ROBO2: variants seen among roughly 807,000 people sequenced by gnomAD.
ROBO2 encodes roundabout guidance receptor 2, also known as roundabout homolog 2.
A neutral mutation model predicts 160.8 loss-of-function variants in ROBO2; 53 were observed. The ratio of observed to expected loss-of-function variants is 0.33; its 90% CI spans 0.26 to 0.41. ROBO2 has a LOEUF of 0.41. ROBO2 is among the 10% of genes least tolerant of loss of function. The pLI, the probability that ROBO2 is intolerant of heterozygous loss-of-function variation, is 1.00. For missense variants in ROBO2, 1,577 were observed against 1,722.4 expected, an observed-to-expected ratio of 0.92 and a Z score of 1.49; for synonymous variants, 664 against 611.7, an observed-to-expected ratio of 1.09 and a Z score of -1.26.
At chr3:76,560,329 C>A (rs1331143176) in intron 2 of ROBO2, among the ~76,000 whole-genome samples, 1 of 151,974 alleles carries the variant, frequency 6.6e-6, no homozygotes. Context: ...TGCATGAGAC[C>A]AAGTTTTAAA....
At chr3:77,581,581 T>C (rs2093920322) in intron 16 of ROBO2, among the ~76,000 whole-genome samples, 1 of 152,136 alleles carries the variant, frequency 6.6e-6, no homozygotes. Context: ...TCCAGATATC[T>C]TTTTGTTTCT....
chr3:76,495,876 A>G (rs745847878), intron 2 of ROBO2, among the ~76,000 whole-genome samples: 1 of 152,208 alleles, frequency 6.6e-6, no homozygotes, highest in Admixed American at 6.5e-5. Context: ...ACAATGATGC[A>G]TGGTTTTATG....
chr3:77,329,407 A>C (rs118105072), intron 2 of ROBO2, among the ~76,000 whole-genome samples: 1 of 152,238 alleles, frequency 6.6e-6, no homozygotes, highest in East Asian at 1.9e-4. Context: ...AAACATAACA[A>C]ATGCTGTTTG....
intron 2 of ROBO2, among the ~76,000 whole-genome samples, chr3:76,602,235 C>A (rs1205451894): frequency 2.0e-5 from 3 of 152,144 alleles, no homozygotes; most frequent in African/African-American, 7.2e-5. Context: ...CTCCAAGTAT[C>A]TAGGAAGTTT....
At chr3:76,062,759 T>G (rs1317685987) in intron 2 of ROBO2, among the ~76,000 whole-genome samples, 1 of 152,170 alleles carries the variant, frequency 6.6e-6, no homozygotes, top group Non-Finnish European at 1.5e-5. Context: ...ACATAATCGT[T>G]GCTTGACCCT....
chr3:77,290,204 T>C (rs1384639828), intron 2 of ROBO2, among the ~76,000 whole-genome samples: 2 of 148,146 alleles, frequency 1.4e-5, no homozygotes, highest in Non-Finnish European at 3.0e-5. Context: ...GTTAAACGGG[T>C]AATCTGAGGC....
intron 2 of ROBO2, among the ~76,000 whole-genome samples, chr3:76,167,494 A>G (rs1020282913): frequency 2.6e-5 from 4 of 152,048 alleles, no homozygotes; most frequent in Non-Finnish European, 5.9e-5. Flanking sequence ...TATCTTGTGC[A>G]TCCTTCTATT....
intron 2 of ROBO2, among the ~76,000 whole-genome samples, chr3:77,253,480 T>G (rs1377783462): frequency 1.3e-5 from 2 of 152,182 alleles, no homozygotes; most frequent in Non-Finnish European, 2.9e-5. Context: ...ATATTAAATT[T>G]TATCATCTTT....
At chr3:77,196,262 A>G (rs1372422) in intron 2 of ROBO2, among the ~76,000 whole-genome samples, 29,765 of 151,684 alleles carry the variant, frequency 0.2, 3,364 homozygotes, top group Middle Eastern at 0.31. Context: ...GAATGTCTGT[A>G]GGATTAGTCC....
chr3:76,295,132 A>G (rs912072746), intron 2 of ROBO2, among the ~76,000 whole-genome samples: 39 of 152,210 alleles, frequency 2.6e-4, no homozygotes, highest in African/African-American at 8.0e-4. Flanking sequence ...AATCAAAACA[A>G]GAATTCATTG....
At chr3:76,330,017 T>A (rs1020229798) in intron 2 of ROBO2, among the ~76,000 whole-genome samples, 1 of 152,030 alleles carries the variant, frequency 6.6e-6, no homozygotes, top group Non-Finnish European at 1.5e-5. Flanking sequence ...AACATAGTAC[T>A]TAAATATTTG....
At chr3:77,482,016 T>C (rs1234252458) in intron 4 of ROBO2, among the ~76,000 whole-genome samples, 2 of 152,184 alleles carry the variant, frequency 1.3e-5, no homozygotes, top group East Asian at 3.9e-4. Flanking sequence ...TCTTTTAGAA[T>C]ACATTCTATT....
At chr3:77,112,594 A>G (rs1217803596) in intron 2 of ROBO2, among the ~76,000 whole-genome samples, 1 of 152,102 alleles carries the variant, frequency 6.6e-6, no homozygotes, top group East Asian at 1.9e-4. Context: ...AAGCTAAAGG[A>G]ATAGGAATTA....
chr3:77,455,109 C>T (rs182940403), intron 2 of ROBO2, among the ~76,000 whole-genome samples: 1 of 152,242 alleles, frequency 6.6e-6, no homozygotes, highest in Non-Finnish European at 1.5e-5. Context: ...AACAATGAAA[C>T]TCTAATGCTG....
At chr3:76,541,091 A>G (rs1445249723) in intron 2 of ROBO2, among the ~76,000 whole-genome samples, 1 of 152,190 alleles carries the variant, frequency 6.6e-6, no homozygotes. Context: ...TGAGCCATCA[A>G]ATGAAGCCAA....
chr3:77,319,952 T>C (rs1043542147), intron 2 of ROBO2, among the ~76,000 whole-genome samples: 3 of 152,202 alleles, frequency 2.0e-5, no homozygotes, highest in African/African-American at 7.2e-5. Flanking sequence ...CCATGACTTA[T>C]CAGCTGCAAT....
intron 2 of ROBO2, among the ~76,000 whole-genome samples, chr3:77,272,959 T>C (rs2059595553): frequency 6.6e-6 from 1 of 152,188 alleles, no homozygotes; most frequent in Non-Finnish European, 1.5e-5. Context: ...ACTTTTTAGA[T>C]AATCTCAGTT....
intron 2 of ROBO2, among the ~76,000 whole-genome samples, chr3:76,206,028 G>A (rs1052987400): frequency 6.6e-6 from 1 of 152,116 alleles, no homozygotes; most frequent in African/African-American, 2.4e-5. Context: ...AAGAGAGAGA[G>A]GTGGCTGTCC....
intron 2 of ROBO2, chr3:76,434,787 CAG>C (rs972033374): frequency 2.6e-5 from 34 of 1,316,960 alleles, no homozygotes; most frequent in Admixed American, 6.7e-5. Context: ...GCAGATTAAT[CAG>C]GGGGAGAGCA....
Sources: allele counts gnomAD v4.1 joint callset (sites outside exome capture counted in the v4.1 genomes callset), GRCh38; gene constraint gnomAD v4.1.1; transcripts MANE v1.5; gene names NCBI Gene and HGNC (gene_info 2026-07-23, HGNC 2026-07-21).